Variants in CDK13 observed in about 807,000 individuals in gnomAD.
CDK13 encodes the protein cyclin-dependent kinase 13.
Under a neutral mutation model 137.6 loss-of-function variants are expected in CDK13, and 40 were observed. That is an observed-to-expected ratio of 0.29 (90% CI 0.23 to 0.38). The LOEUF (loss-of-function observed/expected upper bound fraction) is 0.38, where lower values mean the gene tolerates loss of function less well. Among genes scored for constraint, CDK13 ranks in the 10% least tolerant of loss-of-function variants. The pLI is 1.00. For missense variants in CDK13, 1,704 were observed against 1,951.8 expected, an observed-to-expected ratio of 0.87 and a Z score of 2.39; for synonymous variants, 869 against 760.1, an observed-to-expected ratio of 1.14 and a Z score of -2.36.
intron 5 of CDK13, among the ~76,000 whole-genome samples, chr7:40,014,093 G>A (rs767542658): frequency 4.1e-5 from 4 of 98,336 alleles, no homozygotes; most frequent in African/African-American, 1.3e-4. Flanking sequence ...TTTGAGACAA[G>A]CATTTCACTC....
intron 5 of CDK13, among the ~76,000 whole-genome samples, chr7:40,011,705 C>CT (rs34987282): frequency 1.3e-5 from 2 of 152,014 alleles, no homozygotes; most frequent in Non-Finnish European, 2.9e-5. Flanking sequence ...AGGAGTAAGA[C>CT]TTTATGATCT....
At chr7:40,027,785 C>T (rs746109915) in intron 5 of CDK13, among the ~76,000 whole-genome samples, 21 of 149,236 alleles carry the variant, frequency 1.4e-4, no homozygotes, top group Admixed American at 1.3e-3. Flanking sequence ...AGTTCTCTTA[C>T]GAGGTTGAGA....
At chr7:40,047,169 A>C (rs1025435499) in intron 6 of CDK13, among the ~76,000 whole-genome samples, 2 of 152,202 alleles carry the variant, frequency 1.3e-5, no homozygotes, top group Admixed American at 6.5e-5. Context: ...GATTTTAGAA[A>C]ATTTTAAAAA....
intron 5 of CDK13, among the ~76,000 whole-genome samples, chr7:40,013,879 T>A (rs1784948169): frequency 6.6e-6 from 1 of 152,068 alleles, no homozygotes; most frequent in Non-Finnish European, 1.5e-5. Context: ...GAGGGGTGTC[T>A]CTGTTATAAA....
chr7:40,060,788 C>A (rs1786124989), intron 7 of CDK13: 1 of 152,196 alleles, frequency 6.6e-6, no homozygotes, highest in African/African-American at 2.4e-5. Context: ...GATAAGGCAG[C>A]TGGGCACAGT....
chr7:39,995,360 A>G (rs2089264483), intron 2 of CDK13, among the ~76,000 whole-genome samples: 1 of 152,192 alleles, frequency 6.6e-6, no homozygotes, highest in South Asian at 2.1e-4. Context: ...CTAAAGCCTC[A>G]TTACAAGTTA....
chr7:40,068,862 A>C (rs1786346671), intron 9 of CDK13, among the ~76,000 whole-genome samples: 1 of 152,162 alleles, frequency 6.6e-6, no homozygotes, highest in Non-Finnish European at 1.5e-5. Context: ...ACTTTCAAGA[A>C]GACTAGGGAG....
chr7:40,009,746 A>C (rs565921411), intron 5 of CDK13, among the ~76,000 whole-genome samples: 11 of 152,350 alleles, frequency 7.2e-5, no homozygotes, highest in African/African-American at 2.6e-4. Context: ...TCCAGGGTAC[A>C]CTCAGCAACC....
chr7:39,953,801 A>G (rs1024012589), intron 1 of CDK13, among the ~76,000 whole-genome samples: 4 of 152,178 alleles, frequency 2.6e-5, no homozygotes, highest in Non-Finnish European at 4.4e-5. Context: ...ACAGATGGCC[A>G]TTTGGTATGT....
At chr7:40,068,781 T>C (rs1786344183) in intron 9 of CDK13, among the ~76,000 whole-genome samples, 1 of 150,868 alleles carries the variant, frequency 6.6e-6, no homozygotes. Context: ...CATGAATAGT[T>C]ACAGAAGGCT....
chr7:39,974,203 G>A (rs1784057688), intron 1 of CDK13, among the ~76,000 whole-genome samples: 1 of 151,922 alleles, frequency 6.6e-6, no homozygotes, highest in South Asian at 2.1e-4. Flanking sequence ...TGACTTTTTA[G>A]ATTAATTTGG....
At chr7:40,001,797 A>C in intron 4 of CDK13, 64 bp from the exon 5 acceptor site, 1 of 1,000,778 alleles carries the variant, frequency 1.0e-6, no homozygotes, top group Admixed American at 2.2e-5. Context: ...ATACATTTAA[A>C]GTTAAGAAAA....
intron 9 of CDK13, chr7:40,069,249 A>G (rs1786356926): frequency 2.3e-6 from 1 of 441,126 alleles, no homozygotes; most frequent in African/African-American, 2.0e-5. Context: ...AAACAGAAAT[A>G]AAACAACAAA....
chr7:40,080,658 C>T (rs528105940), intron 11 of CDK13, among the ~76,000 whole-genome samples: 1 of 152,158 alleles, frequency 6.6e-6, no homozygotes, highest in South Asian at 2.1e-4. Flanking sequence ...GGGCTCAGTA[C>T]CCCTTCAAAT....
rs538112746 is a variant in CDK13 at position 39,951,382 on chromosome 7, G to GAGCGGC, written c.745_750dup (p.Gly249_Ser250dup). ...GCGAGGAACGGGCCGAGGTCGCCAA[G>GAGCGGC]AGCGGCAGCAGCAGCAGCAGCGGCG... On this transcript the variant is annotated inframe_insertion, in exon 1 of 14. Coordinates refer to ENST00000181839, the MANE Select transcript of CDK13 (RefSeq NM_003718.5). 285 of 1,521,340 alleles carry GAGCGGC rather than the reference G, an allele frequency of 1.9e-4. 4 individuals are homozygous for GAGCGGC. In the East Asian group the frequency reaches 7.4e-3, roughly 40 times the overall value. The allele number at this position is 1,521,340 out of a possible 1,614,324, so 94.2% of individuals were successfully genotyped here.
intron 5 of CDK13, among the ~76,000 whole-genome samples, chr7:40,031,348 C>G (rs1184244778): frequency 1.3e-5 from 2 of 152,094 alleles, no homozygotes; most frequent in Non-Finnish European, 2.9e-5. Context: ...ATGGTGAAAC[C>G]TGGTCACTAC....
At chr7:39,956,834 G>A (rs1482088198) in intron 1 of CDK13, among the ~76,000 whole-genome samples, 1 of 152,090 alleles carries the variant, frequency 6.6e-6, no homozygotes, top group Non-Finnish European at 1.5e-5. Flanking sequence ...CAATCCTCCC[G>A]CCTGGGCCTC....
rs373180843 is a variant in CDK13, at chr7:40,045,840, A to T, written c.2358A>T (p.Ala786=). 6.2e-7 allele frequency: 1 copy of T among 1,600,590 alleles called. No individual in the cohort carries two copies. The highest frequency in any genetic ancestry group is 1.3e-5 in the African/African-American group (1 of 74,388). ...ATTAATTATTCTCATTCTTAGGTGC[A>T]TTTTATCTGGTGTTTGAATATATGG... The part of the protein sequence containing the change: ...DALDFKKDKG[A]FYLVFEYMDH... Residue 786 remains alanine (A), a synonymous_variant, in exon 6 of 14, where the codon GCA becomes GCT. Transcript: ENST00000181839.
At chr7:40,067,327 C>G (rs1166941897) in intron 9 of CDK13, 1 of 152,332 alleles carries the variant, frequency 6.6e-6, no homozygotes, top group African/African-American at 2.4e-5. Flanking sequence ...GGGTGGATCA[C>G]TTGAGCCCAG....
Sources: allele counts gnomAD v4.1 joint callset (sites outside exome capture counted in the v4.1 genomes callset), GRCh38; gene constraint gnomAD v4.1.1; transcripts MANE v1.5; gene names NCBI Gene and HGNC (gene_info 2026-07-23, HGNC 2026-07-21).